Variants in GOLGB1 observed in about 807,000 individuals in gnomAD.
GOLGB1 encodes the protein golgin subfamily B member 1.
GOLGB1 carries 174 observed loss-of-function variants against 336.9 expected under a neutral mutation model. The observed-to-expected ratio is 0.52, with a 90% CI of 0.46 to 0.59. The LOEUF (loss-of-function observed/expected upper bound fraction) is 0.59. Ranked by LOEUF, GOLGB1 falls within the 20% of genes least tolerant of loss-of-function variation. The probability of loss-of-function intolerance (pLI) is 0.00; values close to 1 mark genes in which losing one functional copy is unlikely to be tolerated. For missense variants in GOLGB1, 3,331 were observed against 3,645.3 expected (o/e 0.91, Z 2.22); for synonymous variants, 1,208 against 1,289.2 (o/e 0.94, Z 1.35).
chr3:121,694,067 A>G lies in GOLGB1; in HGVS notation c.6456T>C (p.Ala2152=), dbSNP rs1051882554. Residue 2152 remains alanine (A), a synonymous_variant, in exon 13 of 22, where the codon GCT becomes GCC. Transcript: ENST00000614479. Reference sequence around the variant, plus strand: ...CCAAGTGGACTTTTTCTCTGCGCAAAGCATCCAGTTTCTCTTGCATATTCT... The same window carrying G: ...CCAAGTGGACTTTTTCTCTGCGCAAGGCATCCAGTTTCTCTTGCATATTCT... The part of the protein sequence containing the change: ...EKKNMQEKLD[A]LRREKVHLEE... The G allele has an allele frequency of 3.7e-6, 6 of 1,614,022 alleles. No individual in the cohort carries two copies. Among genetic ancestry groups the G allele is most frequent in the East Asian group, 2.2e-5 (1 of 44,882 alleles).
At chr3:121,682,677 A>T (rs917834985) in intron 14 of GOLGB1, among the ~76,000 whole-genome samples, 3 of 152,234 alleles carry the variant, frequency 2.0e-5, no homozygotes, top group Non-Finnish European at 2.9e-5. Flanking sequence ...CATCTGGGCA[A>T]AGATGGGGGT....
In GOLGB1 at chr3:121,716,850, G is replaced by A. The variant is rs747647898; in HGVS notation, c.1175C>T (p.Thr392Ile). The change falls in exon 9 of 22, where the codon ACT (threonine) becomes ATT (isoleucine). Residue 392 changes from threonine (T) to isoleucine (I), a missense_variant. Transcript: ENST00000614479. Reference protein sequence around the residue: ...KTSHILSLQKTGQELQSACDA... With the variant: ...KTSHILSLQKIGQELQSACDA... ...ACAGGCAGACTGCAGCTCTTGTCCA[G>A]TCTTTTGAAGACTCAAAATATGAGA... 1.2e-6 allele frequency: 2 copies of A among 1,613,612 alleles called. No individual in the cohort carries two copies. The highest frequency in any genetic ancestry group is 3.3e-5 in the Admixed American group (2 of 60,016).
intron 6 of GOLGB1, among the ~76,000 whole-genome samples, chr3:121,721,080 T>C (rs75977382): frequency 0.13 from 19,297 of 152,132 alleles, 1,446 homozygotes; most frequent in African/African-American, 0.2. Context: ...CTGTATATAG[T>C]GCTTATACAT....
At chr3:121,716,397 C>T (rs1944777615) in intron 9 of GOLGB1, among the ~76,000 whole-genome samples, 1 of 152,114 alleles carries the variant, frequency 6.6e-6, no homozygotes, top group Non-Finnish European at 1.5e-5. Flanking sequence ...AACCTATGCA[C>T]CTAGATCTGG....
intron 13 of GOLGB1, among the ~76,000 whole-genome samples, chr3:121,692,889 T>C (rs1942581156): frequency 6.6e-6 from 1 of 152,212 alleles, no homozygotes; most frequent in Admixed American, 6.5e-5. Flanking sequence ...TTTATTCTAC[T>C]TTGCTCCAGA....
chr3:121,692,135 T>C lies in GOLGB1; in HGVS notation c.7229A>G (p.Gln2410Arg). The C allele has an allele frequency of 6.2e-7, 1 of 1,613,428 alleles. No individual in the cohort carries two copies. The highest frequency in any genetic ancestry group is 8.5e-7 in the Non-Finnish European group (1 of 1,179,760). Residue 2410 changes from glutamine to arginine, a missense_variant, in exon 14 of 22, where the codon CAA (glutamine) becomes CGA (arginine). Gln to Arg is a conservative substitution (Grantham distance 43). Coordinates refer to ENST00000614479, the MANE Select transcript of GOLGB1 (RefSeq NM_001366282.2). ...CAGCTCTTTAATTTCTTTATCATGT[T>C]GCTGACGCAGTTCAGCAATAGCTAC... is the stretch of plus-strand genomic sequence containing the variant. The part of the protein sequence containing the change: ...IQVAIAELRQ[Q>R]HDKEIKELEN...
chr3:121,667,409 G>T, intron 20 of GOLGB1, 67 bp downstream of exon 20: 1 of 1,487,840 alleles, frequency 6.7e-7, no homozygotes, highest in Non-Finnish European at 9.1e-7. Flanking sequence ...AAGTCTGGCA[G>T]GAAATGTACA....
intron 14 of GOLGB1, among the ~76,000 whole-genome samples, chr3:121,686,833 T>C (rs976678883): frequency 6.6e-6 from 1 of 152,102 alleles, no homozygotes; most frequent in East Asian, 1.9e-4. Context: ...AGGAAAGCAA[T>C]TGGGAGAACA....
chr3:121,692,032 A>T lies in GOLGB1; in HGVS notation c.7332T>A (p.Asn2444Lys). Residue 2444 changes from asparagine to lysine, a missense_variant, in exon 14 of 22, where the codon AAT (asparagine) becomes AAA (lysine). Coordinates refer to ENST00000614479, the MANE Select transcript of GOLGB1 (RefSeq NM_001366282.2). The stretch of plus-strand genomic sequence containing the variant: ...TGGTTTTCAGTGTTTCCATAAGCTG[A>T]TTGGTTTTATCAACAGCCTTTTTGT... ...EENKKAVDKT[N>K]QLMETLKTIK... The T allele has an allele frequency of 1.2e-6, 2 of 1,613,030 alleles. No homozygotes were observed. The highest frequency in any genetic ancestry group is 4.5e-5 in the East Asian group (2 of 44,884).
At chr3:121,701,089 AC>A (rs1244865595) in intron 11 of GOLGB1, among the ~76,000 whole-genome samples, 2 of 152,188 alleles carry the variant, frequency 1.3e-5, no homozygotes, top group African/African-American at 4.8e-5. Flanking sequence ...AAAAAGGAGT[AC>A]AGTGGTAGAA....
chr3:121,683,050 T>C (rs1409953582), intron 14 of GOLGB1, among the ~76,000 whole-genome samples: 2 of 146,056 alleles, frequency 1.4e-5, no homozygotes, highest in African/African-American at 5.1e-5. Context: ...GCAATTTCTT[T>C]TAATTTTTTT....
At chr3:121,714,756 A>G in intron 10 of GOLGB1, 105 bp downstream of exon 10, 1 of 769,024 alleles carries the variant, frequency 1.3e-6, no homozygotes, top group South Asian at 1.6e-5. Flanking sequence ...CAGAAAAAAC[A>G]GAAGGTTTAT....
intron 15 of GOLGB1, among the ~76,000 whole-genome samples, chr3:121,679,548 C>G (rs903338740): frequency 6.6e-6 from 1 of 152,198 alleles, no homozygotes; most frequent in African/African-American, 2.4e-5. Flanking sequence ...CAGGAAGGGA[C>G]AGTCTAGCTA....
In GOLGB1 at chr3:121,691,665, T is replaced by C; in HGVS notation, c.7699A>G (p.Asn2567Asp). 1 of 1,611,284 alleles carries C rather than the reference T, an allele frequency of 6.2e-7. No homozygotes were observed. The change falls in exon 14 of 22, where the codon AAT becomes GAT. Residue 2567 changes from asparagine to aspartate, a missense_variant. Transcript: ENST00000614479. ...GCATATTTATTTTCCAGCTCCTTAT[T>C]TTGCTGAAGTTGAACTTCAAGAAGC... ...KQLLEVQLQQ[N>D]KELENKYAKL...
At chr3:121,707,225 C>CAAAAAAAAAAA (rs554313106) in intron 10 of GOLGB1, among the ~76,000 whole-genome samples, 3 of 93,640 alleles carry the variant, frequency 3.2e-5, no homozygotes, top group African/African-American at 4.5e-5. Context: ...GACTCCATCT[C>CAAAAAAAAAAA]AAAAAAAAAA....
chr3:121,727,320 A>T (rs13096306), intron 4 of GOLGB1, among the ~76,000 whole-genome samples: 644 of 28,644 alleles, frequency 0.022, 23 homozygotes, highest in Non-Finnish European at 0.026. Flanking sequence ...ATATATATAT[A>T]TTTTTTTTTT....
intron 1 of GOLGB1, among the ~76,000 whole-genome samples, chr3:121,738,340 T>C (rs995735436): frequency 7.9e-5 from 12 of 152,208 alleles, no homozygotes; most frequent in Non-Finnish European, 1.5e-4. Context: ...TATTCCCACA[T>C]AAAAACAGAC....
intron 2 of GOLGB1, among the ~76,000 whole-genome samples, chr3:121,730,532 A>G (rs932728414): frequency 6.6e-6 from 1 of 152,226 alleles, no homozygotes; most frequent in Admixed American, 6.5e-5. Flanking sequence ...CTGAAACCCA[A>G]AAGGTGTTCC....
chr3:121,744,321 T>C (rs1947089748), intron 1 of GOLGB1, among the ~76,000 whole-genome samples: 2 of 151,044 alleles, frequency 1.3e-5, no homozygotes, highest in South Asian at 2.1e-4. Context: ...TATAATACAA[T>C]AGCAGTCAGG....
Sources: allele counts gnomAD v4.1 joint callset (sites outside exome capture counted in the v4.1 genomes callset), GRCh38; gene constraint gnomAD v4.1.1; transcripts MANE v1.5; gene names NCBI Gene and HGNC (gene_info 2026-07-23, HGNC 2026-07-21).